The following GABRG2 variants were observed in gnomAD, a reference collection of about 807,000 sequenced individuals.
The protein encoded by GABRG2 is gamma-aminobutyric acid type A receptor subunit gamma2.
Under a neutral mutation model 56.4 loss-of-function variants are expected in GABRG2, and 16 were observed. The observed-to-expected ratio is 0.28, with a 90% CI of 0.19 to 0.43. The LOEUF (loss-of-function observed/expected upper bound fraction) is 0.43. Among genes scored for constraint, GABRG2 ranks in the 20% least tolerant of loss-of-function variants. GABRG2 has a pLI of 1.00. For synonymous variants in GABRG2, 208 were observed against 205.5 expected (o/e 1.01, Z -0.10); for missense variants, 327 against 582.7 (o/e 0.56, Z 4.52).
intron 6 of GABRG2, among the ~76,000 whole-genome samples, chr5:162,128,042 G>A (rs1394144118): frequency 2.6e-5 from 4 of 151,980 alleles, no homozygotes; most frequent in Non-Finnish European, 4.4e-5. Context: ...ATTTCCCAGA[G>A]AAATGGAAAG....
chr5:162,152,823 A>T, intron 9 of GABRG2: 1 of 595,576 alleles, frequency 1.7e-6, no homozygotes, highest in Non-Finnish European at 3.0e-6. Flanking sequence ...TAAATATTTA[A>T]CTTTGAGTTC....
chr5:162,127,882 G>A (rs1370826399), intron 6 of GABRG2, among the ~76,000 whole-genome samples: 1 of 151,946 alleles, frequency 6.6e-6, no homozygotes, highest in Non-Finnish European at 1.5e-5. Flanking sequence ...GTCAGGGTGT[G>A]AATCCAGATT....
At chr5:162,082,584 A>G (rs1049465233) in intron 1 of GABRG2, among the ~76,000 whole-genome samples, 4 of 151,736 alleles carry the variant, frequency 2.6e-5, no homozygotes, top group Non-Finnish European at 4.4e-5. Context: ...TTCACTCTCA[A>G]TATGGAACTT....
intron 1 of GABRG2, among the ~76,000 whole-genome samples, chr5:162,082,313 C>T (rs1007930999): frequency 4.0e-5 from 6 of 151,696 alleles, no homozygotes; most frequent in Non-Finnish European, 8.9e-5. Flanking sequence ...CATTAAGGCA[C>T]TCTCATTTTG....
intron 1 of GABRG2, among the ~76,000 whole-genome samples, chr5:162,071,397 A>G (rs1236835756): frequency 6.6e-6 from 1 of 151,760 alleles, no homozygotes; most frequent in African/African-American, 2.4e-5. Context: ...ACTTAGAGTG[A>G]CAAATAATTA....
intron 6 of GABRG2, among the ~76,000 whole-genome samples, chr5:162,110,978 G>C (rs1762211587): frequency 6.6e-6 from 1 of 152,086 alleles, no homozygotes; most frequent in Admixed American, 6.6e-5. Context: ...TCCTTGGGAT[G>C]AAAGTTCCTT....
chr5:162,106,328 C>G (rs895248311), intron 6 of GABRG2, among the ~76,000 whole-genome samples: 14 of 152,162 alleles, frequency 9.2e-5, no homozygotes, highest in African/African-American at 3.4e-4. Context: ...TCACAGTTGG[C>G]CTTCTCTCCC....
intron 5 of GABRG2, chr5:162,102,787 A>G (rs1214478836): frequency 1.2e-5 from 4 of 333,614 alleles, no homozygotes; most frequent in South Asian, 2.4e-5. Flanking sequence ...ACATACTATC[A>G]TATCTCTCTC....
chr5:162,082,598 T>A (rs564293883), intron 1 of GABRG2, among the ~76,000 whole-genome samples: 136 of 151,790 alleles, frequency 9.0e-4, no homozygotes, highest in Non-Finnish European at 1.4e-3. Flanking sequence ...GGAACTTTTT[T>A]AAAAAAGTAA....
chr5:162,102,568 G>A (rs1047885227), intron 5 of GABRG2: 1 of 454,116 alleles, frequency 2.2e-6, no homozygotes, highest in East Asian at 7.0e-5. Flanking sequence ...TCGTTCTATT[G>A]CCCAGGCTGG....
intron 6 of GABRG2, among the ~76,000 whole-genome samples, chr5:162,112,589 T>C (rs942612294): frequency 6.6e-6 from 1 of 152,208 alleles, no homozygotes; most frequent in Admixed American, 6.5e-5. Flanking sequence ...TACGCACTTT[T>C]AAGCATATCA....
intron 8 of GABRG2, 90 bp from the exon 9 acceptor site, chr5:162,151,635 TTTTAA>T: frequency 9.0e-7 from 1 of 1,109,992 alleles, no homozygotes; most frequent in Non-Finnish European, 1.3e-6. Flanking sequence ...CAAAATGTAT[TTTTAA>T]TTTATCTTGT....
rs116230520 is a variant in GABRG2 at position 162,130,734 on chromosome 5, G to T, written c.770-11430G>T. Among the ~76,000 whole-genome samples, 3 of 151,874 alleles carry T rather than the reference G, an allele frequency of 2.0e-5. No individual in the cohort carries two copies. In the South Asian group the frequency reaches 6.2e-4, roughly 31 times the overall value. On this transcript the variant is annotated intron_variant, in intron 6 of 9. Coordinates refer to ENST00000639213, the MANE Select transcript of GABRG2 (RefSeq NM_198904.4). ...TATCATCTTGATTGCAGGTAACCTT[G>T]GTTTGTAGGATTCGTTTTTATTTAC...
chr5:162,079,769 A>C (rs927907548), intron 1 of GABRG2, among the ~76,000 whole-genome samples: 1 of 151,806 alleles, frequency 6.6e-6, no homozygotes, highest in African/African-American at 2.4e-5. Context: ...CTCAAACATT[A>C]TTTATTTTTA....
At chr5:162,119,663 A>G (rs1314688746) in intron 6 of GABRG2, among the ~76,000 whole-genome samples, 2 of 152,132 alleles carry the variant, frequency 1.3e-5, no homozygotes, top group African/African-American at 4.8e-5. Flanking sequence ...ATGAATCTCT[A>G]TGTGCTGAGA....
intron 3 of GABRG2, among the ~76,000 whole-genome samples, chr5:162,096,226 C>T (rs1174571893): frequency 3.3e-5 from 5 of 151,948 alleles, no homozygotes; most frequent in Admixed American, 3.3e-4. Flanking sequence ...CTGCATACTC[C>T]AAGCTAATAA....
At chr5:162,068,870 T>C (rs1274683261) in intron 1 of GABRG2, among the ~76,000 whole-genome samples, 1 of 152,062 alleles carries the variant, frequency 6.6e-6, no homozygotes, top group African/African-American at 2.4e-5. Context: ...AAGGGGACTA[T>C]TGGGCATAGG....
At chr5:162,077,745 G>T in intron 1 of GABRG2, among the ~76,000 whole-genome samples, 1 of 152,148 alleles carries the variant, frequency 6.6e-6, no homozygotes, top group East Asian at 1.9e-4. Flanking sequence ...TGCAGTTTAG[G>T]ATCTCTCGTA....
intron 7 of GABRG2, among the ~76,000 whole-genome samples, chr5:162,143,097 G>T (rs1420876918): frequency 1.3e-5 from 2 of 152,092 alleles, no homozygotes; most frequent in Non-Finnish European, 2.9e-5. Context: ...AGTTGATTGT[G>T]TTTATCTCTT....
Sources: allele counts gnomAD v4.1 joint callset (sites outside exome capture counted in the v4.1 genomes callset), GRCh38; gene constraint gnomAD v4.1.1; transcripts MANE v1.5; gene names NCBI Gene and HGNC (gene_info 2026-07-23, HGNC 2026-07-21).